AAK1: variants seen among roughly 807,000 people sequenced by gnomAD.
AAK1 encodes the protein AP2-associated protein kinase 1.
AAK1 carries 37 observed loss-of-function variants against 116.0 expected under a neutral mutation model. That is an observed-to-expected ratio of 0.32 (90% confidence interval 0.25 to 0.42). The LOEUF (loss-of-function observed/expected upper bound fraction) is 0.42, where lower values mean the gene tolerates loss of function less well. Among genes scored for constraint, AAK1 ranks in the 10% least tolerant of loss-of-function variants. The pLI is 1.00. For synonymous variants in AAK1, 458 were observed against 439.9 expected (o/e 1.04, Z -0.51); for missense variants, 919 against 1,170.6 (o/e 0.79, Z 3.14).
chr2:69,493,489 T>G (rs1675622089), intron 17 of AAK1, among the ~76,000 whole-genome samples: 1 of 152,042 alleles, frequency 6.6e-6, no homozygotes, highest in African/African-American at 2.4e-5. Flanking sequence ...GTCTGGTGCC[T>G]GGGAGCTGGG....
chr2:69,561,246 C>T (rs1671622062), intron 2 of AAK1, among the ~76,000 whole-genome samples: 1 of 152,164 alleles, frequency 6.6e-6, no homozygotes, highest in South Asian at 2.1e-4. Context: ...GGAAGTGACA[C>T]AGCTCATGTT....
At chr2:69,498,892 C>T (rs1274686219) in intron 16 of AAK1, among the ~76,000 whole-genome samples, 5 of 152,206 alleles carry the variant, frequency 3.3e-5, no homozygotes, top group Non-Finnish European at 7.3e-5. Flanking sequence ...AACTTCCCAG[C>T]CCCAGCTCAA....
intron 17 of AAK1, among the ~76,000 whole-genome samples, chr2:69,486,495 C>T (rs1055213557): frequency 3.9e-5 from 6 of 151,988 alleles, no homozygotes; most frequent in African/African-American, 1.4e-4. Flanking sequence ...GAGCTGCAGA[C>T]AGAACAATAC....
intron 2 of AAK1, among the ~76,000 whole-genome samples, chr2:69,558,957 C>T (rs1398822945): frequency 6.6e-6 from 1 of 152,086 alleles, no homozygotes; most frequent in Non-Finnish European, 1.5e-5. Context: ...GTTTTTGTTC[C>T]TTGCAACCAT....
chr2:69,638,413 C>G (rs1342897956), intron 2 of AAK1, among the ~76,000 whole-genome samples: 1 of 152,204 alleles, frequency 6.6e-6, no homozygotes, highest in African/African-American at 2.4e-5. Context: ...ACTCGCTGCT[C>G]CCTTTCCCCA....
At chr2:69,515,576 G>A (rs1057150498) in intron 12 of AAK1, among the ~76,000 whole-genome samples, 1 of 152,054 alleles carries the variant, frequency 6.6e-6, no homozygotes, top group East Asian at 1.9e-4. Flanking sequence ...CAATCCTCCC[G>A]CTTCGGCCTC....
chr2:69,503,267 A>C (rs975107985), intron 16 of AAK1, among the ~76,000 whole-genome samples: 1 of 152,252 alleles, frequency 6.6e-6, no homozygotes, highest in Non-Finnish European at 1.5e-5. Flanking sequence ...AAAAACTACT[A>C]ACATTCCTAA....
chr2:69,623,897 A>G (rs775466343), intron 2 of AAK1, among the ~76,000 whole-genome samples: 1 of 152,230 alleles, frequency 6.6e-6, no homozygotes, highest in Non-Finnish European at 1.5e-5. Context: ...TGTATATAAC[A>G]AAGGATTAAT....
chr2:69,611,869 T>G (rs1255520192), intron 2 of AAK1, among the ~76,000 whole-genome samples: 1 of 152,194 alleles, frequency 6.6e-6, no homozygotes, highest in Non-Finnish European at 1.5e-5. Context: ...TCTGAAGACA[T>G]TATACTAAGT....
At chr2:69,602,164 C>G (rs1673608255) in intron 2 of AAK1, among the ~76,000 whole-genome samples, 1 of 152,208 alleles carries the variant, frequency 6.6e-6, no homozygotes, top group African/African-American at 2.4e-5. Context: ...GATTAAGGAG[C>G]TGTTCCAGAT....
At chr2:69,542,760 T>G in intron 4 of AAK1, 95 bp from the exon 5 acceptor site, 1 of 1,402,908 alleles carries the variant, frequency 7.1e-7, no homozygotes. Context: ...AGAAGCAGTC[T>G]GGACTAAGGT....
In AAK1 at chr2:69,460,319, T is replaced by C. The variant is rs1674308681; in HGVS notation, c.*15550A>G. The C allele has an allele frequency of 6.5e-6, 1 of 152,752 alleles. No individual in the cohort carries two copies. The highest frequency in any genetic ancestry group is 1.9e-4 in the East Asian group (1 of 5,194). The allele number at this position is 152,752 out of a possible 1,614,324, so 9.5% of individuals were successfully genotyped here. On this transcript the variant is annotated 3_prime_UTR_variant, in exon 22 of 22. Transcript: ENST00000409085. ...CTTCTCTAATTTCCTACAATAAAAT[T>C]TCCTATGTGATATACTGCATATATA... is the stretch of plus-strand genomic sequence containing the variant.
Position 69,519,131 on chromosome 2 carries a change from G to T in AAK1, c.1320C>A (p.Pro440=). Residue 440 remains proline, a synonymous_variant, in exon 12 of 22, where the codon CCC becomes CCA. Coordinates refer to ENST00000409085, the MANE Select transcript of AAK1 (RefSeq NM_014911.5). The stretch of plus-strand genomic sequence containing the variant: ...GAGTAGAAGGCGTCTGCTGTGGAGT[G>T]GGAGGAGCCTGTGGCTGCTTGGCCT... ...QTQAKQPQAP[P]TPQQTPSTQA... The T allele has an allele frequency of 6.4e-7, 1 of 1,564,762 alleles. No individual in the cohort carries two copies.
intron 21 of AAK1, 150 bp downstream of exon 21, chr2:69,476,730 C>T: frequency 1.7e-6 from 1 of 574,316 alleles, no homozygotes; most frequent in Non-Finnish European, 3.1e-6. Flanking sequence ...CTCTATCTAT[C>T]TCTATTGGTC....
intron 2 of AAK1, among the ~76,000 whole-genome samples, chr2:69,585,185 T>G (rs1161388406): frequency 1.3e-5 from 2 of 152,208 alleles, no homozygotes; most frequent in Non-Finnish European, 2.9e-5. Context: ...AAAGGAGAGA[T>G]CTATAATCTC....
At chr2:69,548,927 G>T (rs1313888542) in intron 3 of AAK1, among the ~76,000 whole-genome samples, 1 of 151,548 alleles carries the variant, frequency 6.6e-6, no homozygotes, top group East Asian at 2.0e-4. Flanking sequence ...TTAGAATAAT[G>T]CCACTTCCTT....
At chr2:69,621,160 G>T (rs963366509) in intron 2 of AAK1, among the ~76,000 whole-genome samples, 2 of 152,204 alleles carry the variant, frequency 1.3e-5, no homozygotes, top group African/African-American at 4.8e-5. Context: ...CTGAATTCAA[G>T]TATATAGTAG....
At chr2:69,641,816 C>T (rs1177496539) in intron 2 of AAK1, among the ~76,000 whole-genome samples, 1 of 152,164 alleles carries the variant, frequency 6.6e-6, no homozygotes, top group Non-Finnish European at 1.5e-5. Context: ...AAACTGTTCC[C>T]TACCATCACC....
Position 69,470,846 on chromosome 2 carries a change from T to C in AAK1, c.*5023A>G. On this transcript the variant is annotated 3_prime_UTR_variant, in exon 22 of 22. Coordinates refer to ENST00000409085, the MANE Select transcript of AAK1 (RefSeq NM_014911.5). ...CTCAATACTGTGATTAAATCCTTTC[T>C]GCAAAAAAGTGGGTTTTCAGCTCAG... is the stretch of plus-strand genomic sequence containing the variant. 2.0e-6 allele frequency: 2 copies of C among 985,852 alleles called. No individual in the cohort carries two copies. The highest frequency in any genetic ancestry group is 2.4e-6 in the Non-Finnish European group (2 of 829,918). The allele number at this position is 985,852 out of a possible 1,614,324, so 61.1% of individuals were successfully genotyped here.
Sources: allele counts gnomAD v4.1 joint callset (sites outside exome capture counted in the v4.1 genomes callset), GRCh38; gene constraint gnomAD v4.1.1; transcripts MANE v1.5; gene names NCBI Gene and HGNC (gene_info 2026-07-23, HGNC 2026-07-21).